Variants in ARHGEF18 observed in about 807,000 individuals in gnomAD.
ARHGEF18 encodes Rho/Rac guanine nucleotide exchange factor 18.
ARHGEF18 carries 93 observed loss-of-function variants against 155.7 expected under a neutral mutation model. That is an observed-to-expected ratio of 0.60 (90% confidence interval 0.50 to 0.71). ARHGEF18 has a LOEUF of 0.71. Among genes scored for constraint, ARHGEF18 ranks in the 30% least tolerant of loss-of-function variants. The probability of loss-of-function intolerance (pLI) is 0.00; values close to 1 mark genes in which losing one functional copy is unlikely to be tolerated. For missense variants in ARHGEF18, 1,593 were observed against 1,816.1 expected, an observed-to-expected ratio of 0.88 and a Z score of 2.23; for synonymous variants, 742 against 753.1, an observed-to-expected ratio of 0.99 and a Z score of 0.24.
rs1468386458 is a variant in ARHGEF18, at chr19:7,451,167, A to G, written c.1756A>G (p.Ile586Val). 3 of 1,515,136 alleles carry G rather than the reference A, an allele frequency of 2.0e-6. No homozygotes were observed. The African/African-American group carries it at 6.7e-5, about 34-fold the overall frequency. The allele number at this position is 1,515,136 out of a possible 1,614,324, so 93.9% of individuals were successfully genotyped here. Residue 586 changes from isoleucine (I) to valine (V), a missense_variant, in exon 16 of 29, where the codon ATC becomes GTC. By Grantham distance (29) the Ile-to-Val change is conservative. Transcript: ENST00000668164. ...TTCCTAGAAAATTGGCAACTTCTCC[A>G]TCGTGCGGCGGCTTGGCGTGCAGGA... ...NLIKKIGNFS[I>V]VRRLGVQECI...
At chr19:7,429,573 A>T (rs553984485) in intron 10 of ARHGEF18, among the ~76,000 whole-genome samples, 1 of 152,324 alleles carries the variant, frequency 6.6e-6, no homozygotes, top group South Asian at 2.1e-4. Context: ...ACTGCACTCC[A>T]GCCTGGGCAA....
intron 3 of ARHGEF18, 69 bp from the exon 4 acceptor site, chr19:7,375,651 T>A (rs1308156091): frequency 8.1e-7 from 1 of 1,229,590 alleles, no homozygotes; most frequent in Non-Finnish European, 1.0e-6. Context: ...CAAGCCCCCC[T>A]GGATGCCTGG....
intron 11 of ARHGEF18, 69 bp from the exon 12 acceptor site, chr19:7,441,584 T>G (rs1291948782): frequency 8.1e-7 from 1 of 1,230,212 alleles, no homozygotes; most frequent in African/African-American, 1.5e-5. Context: ...CCGATGTGCC[T>G]TTGTTGCATG....
intron 10 of ARHGEF18, among the ~76,000 whole-genome samples, chr19:7,398,745 CTCTT>C (rs1971869962): frequency 6.6e-6 from 1 of 151,924 alleles, no homozygotes; most frequent in South Asian, 2.1e-4. Flanking sequence ...GGTTCCTTCT[CTCTT>C]TCTTGCTTAA....
rs150268428 is a variant in ARHGEF18 at position 7,431,729 on chromosome 19, G to A, written c.968-8615G>A. On this transcript the variant is annotated intron_variant, in intron 10 of 28. Transcript: ENST00000668164. ...CTCGGGAGGCTGAGGCAGAAGAATC[G>A]CTTGAACCCAGGAGGCGGAGGTTGC... Among the ~76,000 whole-genome samples, 51 of 152,268 alleles carry A rather than the reference G, an allele frequency of 3.3e-4. No homozygotes were observed. The East Asian group carries it at 9.7e-3, about 29-fold the overall frequency.
chr19:7,448,041 T>A (rs1438169222), intron 15 of ARHGEF18, among the ~76,000 whole-genome samples: 2 of 152,230 alleles, frequency 1.3e-5, no homozygotes, highest in Non-Finnish European at 2.9e-5. Flanking sequence ...ACTTTGTTCC[T>A]TACCAGGCCA....
At chr19:7,457,275 TCTC>T (rs1274587856) in intron 18 of ARHGEF18, among the ~76,000 whole-genome samples, 1 of 151,378 alleles carries the variant, frequency 6.6e-6, no homozygotes, top group African/African-American at 2.4e-5. Flanking sequence ...TCTGTGCTAA[TCTC>T]CTCTTGTTAG....
At chr19:7,437,422 CA>C (rs200582880) in intron 10 of ARHGEF18, among the ~76,000 whole-genome samples, 4,410 of 122,472 alleles carry the variant, frequency 0.036, 83 homozygotes, top group South Asian at 0.1. Context: ...AAATCCGTCT[CA>C]AAAAAAAAAA....
At chr19:7,467,734 C>T in intron 26 of ARHGEF18, 50 bp downstream of exon 26, 6 of 1,411,370 alleles carry the variant, frequency 4.3e-6, no homozygotes, top group Non-Finnish European at 5.5e-6. Context: ...CCGGTTTGCA[C>T]GTGCATTTGC....
chr19:7,370,820 A>G (rs1970168279), intron 2 of ARHGEF18, among the ~76,000 whole-genome samples: 3 of 152,102 alleles, frequency 2.0e-5, no homozygotes, highest in Admixed American at 2.0e-4. Flanking sequence ...AATAAACCAG[A>G]CACAAAAGGA....
At position 7,440,434 on chromosome 19, in the gene ARHGEF18, G is replaced by A; in HGVS notation, c.1058G>A (p.Gly353Glu). ...GTCGGTATGACGGTCTCTCAGAAAGGGGGTCCCCAGCCAACACCGAGCCCG... is the reference window on the plus strand; with the variant it reads ...GTCGGTATGACGGTCTCTCAGAAAGAGGGTCCCCAGCCAACACCGAGCCCG... ...RNVGMTVSQK[G>E]GPQPTPSPAG... Residue 353 changes from glycine (G) to glutamate (E), a missense_variant, in exon 11 of 29, where the codon GGG becomes GAG. By Grantham distance (98) the Gly-to-Glu change is moderately conservative (BLOSUM62 -2). Coordinates refer to ENST00000668164, the MANE Select transcript of ARHGEF18 (RefSeq NM_001367823.1). The surrounding 1 kb of genome is among the most constrained non-coding windows in gnomAD (Gnocchi z 5.4). The A allele has an allele frequency of 6.2e-7, 1 of 1,602,256 alleles. No homozygotes were observed. The highest frequency in any genetic ancestry group is 8.5e-7 in the Non-Finnish European group (1 of 1,179,930).
chr19:7,412,873 C>A (rs1243577017), intron 10 of ARHGEF18, among the ~76,000 whole-genome samples: 2 of 151,736 alleles, frequency 1.3e-5, no homozygotes, highest in Non-Finnish European at 2.9e-5. Context: ...TCGTTTGTAT[C>A]TCTTCTTTGG....
At chr19:7,410,294 G>C (rs903533821) in intron 10 of ARHGEF18, among the ~76,000 whole-genome samples, 2 of 151,948 alleles carry the variant, frequency 1.3e-5, no homozygotes, top group Non-Finnish European at 2.9e-5. Context: ...GCCTCTCTCA[G>C]GTGTTTGGTT....
At position 7,421,083 on chromosome 19, in the gene ARHGEF18, A is replaced by G. The variant is rs141828675; in HGVS notation, c.968-19261A>G. ...GTAGCTGGGTCTGCAGGCGTGTGACACCACACTCAGCTAATTTTTGTATTT... is the reference window on the plus strand; with the variant it reads ...GTAGCTGGGTCTGCAGGCGTGTGACGCCACACTCAGCTAATTTTTGTATTT... On this transcript the variant is annotated intron_variant, in intron 10 of 28. Transcript: ENST00000668164. Among the ~76,000 whole-genome samples the G allele has an allele frequency of 2.5e-3, 374 of 151,888 alleles. 1 individual carries two copies. The Middle Eastern group carries it at 0.041, about 17-fold the overall frequency.
At chr19:7,360,097 G>A (rs1969484036) in intron 1 of ARHGEF18, among the ~76,000 whole-genome samples, 1 of 152,112 alleles carries the variant, frequency 6.6e-6, no homozygotes, top group Non-Finnish European at 1.5e-5. Context: ...GGAGACTGCA[G>A]TGAGCCAAGA....
At chr19:7,398,704 A>T (rs181852216) in intron 10 of ARHGEF18, among the ~76,000 whole-genome samples, 4,755 of 147,120 alleles carry the variant, frequency 0.032, 232 homozygotes, top group African/African-American at 0.11. Context: ...AAAAAAAAAA[A>T]AAATAAAGAA....
intron 3 of ARHGEF18, among the ~76,000 whole-genome samples, chr19:7,375,353 A>AAG: frequency 7.6e-6 from 1 of 131,602 alleles, no homozygotes; most frequent in Non-Finnish European, 1.6e-5. Context: ...AAAAAGAAAG[A>AAG]AAAGGAAGGA....
At chr19:7,417,953 T>G (rs1316309949) in intron 10 of ARHGEF18, among the ~76,000 whole-genome samples, 7 of 152,170 alleles carry the variant, frequency 4.6e-5, no homozygotes. Flanking sequence ...GGTGCATATT[T>G]TTGCTCTACC....
chr19:7,361,394 C>T (rs570576067), intron 1 of ARHGEF18, among the ~76,000 whole-genome samples: 8 of 152,150 alleles, frequency 5.3e-5, no homozygotes, highest in South Asian at 4.1e-4. Context: ...GCCAAGATGG[C>T]GCCACTGCAC....
Sources: allele counts gnomAD v4.1 joint callset (sites outside exome capture counted in the v4.1 genomes callset), GRCh38; gene constraint gnomAD v4.1.1; non-coding constraint Gnocchi (gnomAD v3.1); transcripts MANE v1.5; gene names NCBI Gene and HGNC (gene_info 2026-07-23, HGNC 2026-07-21).